NKAIN2: variants seen among roughly 807,000 people sequenced by gnomAD.
NKAIN2 encodes sodium/potassium transporting ATPase interacting 2.
In NKAIN2, 14 loss-of-function variants were observed where a neutral mutation model predicts 32.6. The observed-to-expected ratio is 0.43, with a 90% CI of 0.28 to 0.67. The LOEUF is 0.67. Ranked by LOEUF, NKAIN2 falls within the 30% of genes least tolerant of loss-of-function variation. The pLI, the probability that NKAIN2 is intolerant of heterozygous loss-of-function variation, is 0.17. For synonymous variants in NKAIN2, 80 were observed against 87.2 expected (o/e 0.92, Z 0.46); for missense variants, 198 against 258.3 (o/e 0.77, Z 1.60).
intron 1 of NKAIN2, among the ~76,000 whole-genome samples, chr6:124,211,277 T>C (rs146612884): frequency 0.013 from 2,020 of 151,926 alleles, 42 homozygotes; most frequent in African/African-American, 0.047. Flanking sequence ...AAGACTAATA[T>C]CCTCCCTCAT....
chr6:124,724,260 A>G (rs959089129), intron 4 of NKAIN2, among the ~76,000 whole-genome samples: 9 of 152,144 alleles, frequency 5.9e-5, no homozygotes, highest in Admixed American at 5.2e-4. Context: ...CACTGAGACA[A>G]ACCAGAGCAC....
chr6:124,070,569 A>AT (rs1783408840), intron 1 of NKAIN2, among the ~76,000 whole-genome samples: 1 of 152,110 alleles, frequency 6.6e-6, no homozygotes. Context: ...CTTGGAGTGG[A>AT]TTAGACTTGG....
intron 3 of NKAIN2, among the ~76,000 whole-genome samples, chr6:124,372,823 T>C (rs1251710396): frequency 1.7e-5 from 2 of 114,656 alleles, no homozygotes; most frequent in Non-Finnish European, 3.8e-5. Context: ...ATAATAGATA[T>C]TTGTTAAAAA....
At chr6:124,510,743 C>A (rs1778678818) in intron 3 of NKAIN2, among the ~76,000 whole-genome samples, 1 of 151,926 alleles carries the variant, frequency 6.6e-6, no homozygotes, top group Non-Finnish European at 1.5e-5. Context: ...TAATTAATAA[C>A]CCTTCTTGTT....
chr6:124,574,237 A>G (rs1321847962), intron 3 of NKAIN2, among the ~76,000 whole-genome samples: 1 of 152,176 alleles, frequency 6.6e-6, no homozygotes, highest in Non-Finnish European at 1.5e-5. Flanking sequence ...CTATATGAGA[A>G]AGCTTAACAT....
chr6:124,080,971 A>G (rs969011617), intron 1 of NKAIN2, among the ~76,000 whole-genome samples: 13 of 152,164 alleles, frequency 8.5e-5, no homozygotes, highest in African/African-American at 3.1e-4. Context: ...CCACCATAGT[A>G]ATAAAAATTG....
intron 1 of NKAIN2, among the ~76,000 whole-genome samples, chr6:123,882,108 C>T (rs1773482469): frequency 6.6e-6 from 1 of 151,864 alleles, no homozygotes; most frequent in Admixed American, 6.6e-5. Flanking sequence ...CAGTAATTTC[C>T]ACTGTCTGTT....
At chr6:124,355,102 T>A (rs10872282) in intron 2 of NKAIN2, among the ~76,000 whole-genome samples, 165 bp from the exon 3 acceptor site, 34,439 of 149,872 alleles carry the variant, frequency 0.23, 3,982 homozygotes, top group Admixed American at 0.3. Context: ...GAAAAAAAAA[T>A]CTCAACAGAG....
chr6:124,408,260 A>G (rs1204292109), intron 3 of NKAIN2, among the ~76,000 whole-genome samples: 1 of 152,126 alleles, frequency 6.6e-6, no homozygotes, highest in Non-Finnish European at 1.5e-5. Context: ...TTTAGACATG[A>G]AGTCCTTGCC....
At chr6:124,575,875 T>A (rs965715189) in intron 3 of NKAIN2, among the ~76,000 whole-genome samples, 2 of 152,180 alleles carry the variant, frequency 1.3e-5, no homozygotes, top group Non-Finnish European at 2.9e-5. Flanking sequence ...TAAAAAATAT[T>A]TTCTTTATAA....
chr6:124,231,184 C>G (rs1222874112), intron 1 of NKAIN2, among the ~76,000 whole-genome samples: 1 of 152,208 alleles, frequency 6.6e-6, no homozygotes. Flanking sequence ...GTTGGACTTG[C>G]ATGGGGCCTG....
At chr6:124,226,457 C>A (rs927347643) in intron 1 of NKAIN2, among the ~76,000 whole-genome samples, 6 of 151,932 alleles carry the variant, frequency 3.9e-5, no homozygotes, top group Non-Finnish European at 5.9e-5. Flanking sequence ...TTTTGTAGAC[C>A]TATGTTACCC....
chr6:124,390,023 G>A (rs1041771594), intron 3 of NKAIN2, among the ~76,000 whole-genome samples: 3 of 151,998 alleles, frequency 2.0e-5, no homozygotes, highest in Non-Finnish European at 4.4e-5. Context: ...GGTTATGTTA[G>A]CACACTCAGC....
chr6:124,660,201 C>T (rs1038876776), intron 4 of NKAIN2, among the ~76,000 whole-genome samples: 2 of 152,136 alleles, frequency 1.3e-5, no homozygotes, highest in African/African-American at 4.8e-5. Context: ...CCTATCTTTA[C>T]TGTACCCACA....
intron 2 of NKAIN2, among the ~76,000 whole-genome samples, chr6:124,302,529 A>G (rs1276574189): frequency 6.6e-6 from 1 of 152,118 alleles, no homozygotes; most frequent in Non-Finnish European, 1.5e-5. Flanking sequence ...AAATTTTTTT[A>G]TCTGGAGGAT....
chr6:124,254,654 A>G (rs967293546), intron 1 of NKAIN2, among the ~76,000 whole-genome samples: 1 of 152,168 alleles, frequency 6.6e-6, no homozygotes, highest in African/African-American at 2.4e-5. Flanking sequence ...TGGAAGTCTT[A>G]TTACATTACT....
At chr6:124,072,625 A>C (rs539880460) in intron 1 of NKAIN2, among the ~76,000 whole-genome samples, 100 of 152,248 alleles carry the variant, frequency 6.6e-4, no homozygotes, top group African/African-American at 1.9e-3. Context: ...CCTCTAGGCC[A>C]CTCACTTTGC....
At chr6:124,814,699 G>A (rs1781066403) in intron 5 of NKAIN2, among the ~76,000 whole-genome samples, 1 of 152,050 alleles carries the variant, frequency 6.6e-6, no homozygotes, top group Non-Finnish European at 1.5e-5. Flanking sequence ...GCCTTTTCTT[G>A]TGTCTTTGGA....
chr6:124,461,509 CT>C lies in NKAIN2; in HGVS notation c.273+106168del, dbSNP rs547659145. ...TCTTAATTACTTTTAGAAAATTTCT[CT>C]TTTTTACTCCCTATCTTTGCCTCTC... is the stretch of plus-strand genomic sequence containing the variant. On this transcript the variant is annotated intron_variant, in intron 3 of 6. Coordinates refer to ENST00000368417, the MANE Select transcript of NKAIN2 (RefSeq NM_001040214.3). Among the ~76,000 whole-genome samples, 41 of 151,606 alleles carry C rather than the reference CT, an allele frequency of 2.7e-4. No homozygotes were observed. In the South Asian group the frequency reaches 7.7e-3, roughly 28 times the overall value.
Sources: allele counts gnomAD v4.1 joint callset (sites outside exome capture counted in the v4.1 genomes callset), GRCh38; gene constraint gnomAD v4.1.1; transcripts MANE v1.5; gene names NCBI Gene and HGNC (gene_info 2026-07-23, HGNC 2026-07-21).